The following LPA variants were observed in gnomAD, a reference collection of about 807,000 sequenced individuals.
LPA encodes the protein apolipoprotein(a).
LPA carries 199 observed loss-of-function variants against 197.9 expected under a neutral mutation model. The observed-to-expected ratio is 1.01, with a 90% confidence interval of 0.90 to 1.13. LPA has a LOEUF of 1.13. Ranked by LOEUF, LPA falls within the 50% of genes most tolerant of loss-of-function variation. LPA has a pLI of 0.00. For synonymous variants in LPA, 715 were observed against 639.5 expected (o/e 1.12, Z -1.78); for missense variants, 1,853 against 1,785.8 (o/e 1.04, Z -0.68).
intron 18 of LPA, among the ~76,000 whole-genome samples, chr6:160,604,334 A>G (rs1430999472): frequency 6.6e-6 from 1 of 152,118 alleles, no homozygotes; most frequent in African/African-American, 2.4e-5. Flanking sequence ...CCCTGTCACT[A>G]TTCTTTTGGT....
chr6:160,585,203 G>T lies in LPA; in HGVS notation c.4132C>A (p.Pro1378Thr). 9 of 1,613,690 alleles carry T rather than the reference G, an allele frequency of 5.6e-6. No individual in the cohort carries two copies. The highest frequency in any genetic ancestry group is 7.6e-6 in the Non-Finnish European group (9 of 1,179,712). The change falls in exon 26 of 39, where the codon CCA becomes ACA. Residue 1378 changes from proline to threonine, a missense_variant and splice_region_variant. By Grantham distance (38) the Pro-to-Thr change is conservative (BLOSUM62 -1). Around this residue, in one of 3 missense-constraint regions of LPA, gnomAD observed 1,737 missense variants for 1,504.4 expected, o/e 1.15. Transcript: ENST00000316300. ...TGGACCCCAGTGCTGTTTTCAGTTG[G>T]TGCTGAAATTAAAAGAGAAAATCAA... is the stretch of plus-strand genomic sequence containing the variant. Reference protein sequence around the residue: ...PSTELPSEEAPTENSTGVQDC... With the variant: ...PSTELPSEEATTENSTGVQDC...
At chr6:160,586,968 T>C (rs568083768) in intron 24 of LPA, among the ~76,000 whole-genome samples, 1 of 152,340 alleles carries the variant, frequency 6.6e-6, no homozygotes, top group Admixed American at 6.5e-5. Flanking sequence ...TTGAAGTGTG[T>C]CTTGGAGATT....
chr6:160,634,524 T>A lies in LPA; in HGVS notation c.1075+599A>T, dbSNP rs569471824. ...GCAGTAAAGGAGAAGTCTACTAACC[T>A]TTCTCTCTAGACCCCTCACAGGTAC... On this transcript the variant is annotated intron_variant, in intron 7 of 38. Transcript: ENST00000316300. Among the ~76,000 whole-genome samples, 16 of 140,576 alleles carry A rather than the reference T, an allele frequency of 1.1e-4. No individual in the cohort carries two copies. The East Asian group carries it at 3.0e-3, about 26-fold the overall frequency. The allele number at this position is 140,576 out of a possible 152,430, so 92.2% of individuals were successfully genotyped here.
At chr6:160,602,011 G>A (rs925920815) in intron 18 of LPA, among the ~76,000 whole-genome samples, 2 of 152,186 alleles carry the variant, frequency 1.3e-5, no homozygotes, top group Non-Finnish European at 2.9e-5. Context: ...TGCCTCCTAA[G>A]AACATTGCTC....
chr6:160,594,247 A>G (rs1381721903), intron 21 of LPA, 130 bp from the exon 22 acceptor site: 1 of 1,064,790 alleles, frequency 9.4e-7, no homozygotes, highest in African/African-American at 1.6e-5. Flanking sequence ...ACTAGCAGGC[A>G]GATGGACATA....
rs551776153 is a variant in LPA at position 160,582,002 on chromosome 6, T to C, written c.4289+3044A>G. ...TTCCCATATGGTATTATTTTTCTTC[T>C]ACTTACATAGCATTCTTTCACATCT... On this transcript the variant is annotated intron_variant, in intron 26 of 38. Coordinates refer to ENST00000316300, the MANE Select transcript of LPA (RefSeq NM_005577.4). 1.9e-3 allele frequency among the ~76,000 whole-genome samples: 283 copies of C among 152,298 alleles called. 3 individuals are homozygous for C. Among genetic ancestry groups the C allele is most frequent in the Non-Finnish European group, 2.9e-3 (194 of 67,996 alleles).
intron 2 of LPA, among the ~76,000 whole-genome samples, chr6:160,648,322 T>C (rs1779941099): frequency 1.3e-5 from 2 of 152,204 alleles, no homozygotes; most frequent in Non-Finnish European, 2.9e-5. Context: ...CCCAGTGGCA[T>C]CCTATAATTG....
chr6:160,557,950 C>T (rs1022523872), intron 28 of LPA, among the ~76,000 whole-genome samples: 3 of 149,718 alleles, frequency 2.0e-5, no homozygotes, highest in South Asian at 2.1e-4. Context: ...GACGGAGTCT[C>T]GCTCTGTCGC....
intron 30 of LPA, 35 bp from the exon 31 acceptor site, chr6:160,548,694 C>A: frequency 1.2e-6 from 2 of 1,610,714 alleles, no homozygotes; most frequent in Non-Finnish European, 1.7e-6. Context: ...TTACAGGAGG[C>A]GGAAGAATAT....
At position 160,556,034 on chromosome 6, in the gene LPA, T is replaced by C. The variant is rs1778257014; in HGVS notation, c.4964A>G (p.Tyr1655Cys). 4 of 1,606,384 alleles carry C rather than the reference T, an allele frequency of 2.5e-6. No homozygotes were observed. Among genetic ancestry groups the C allele is most frequent in the Non-Finnish European group, 3.4e-6 (4 of 1,173,292 alleles). ...PHRHQRTPEN[Y>C]PNDGLTMNYC... ...AACATCAAAGACATACTCATTTGGG[T>C]AGTTTTCTGGGGTCCTCTGATGCCG... The change falls in exon 30 of 39, where the codon TAC (tyrosine) becomes TGC (cysteine). Residue 1655 changes from tyrosine (Y) to cysteine (C), a missense_variant. Tyr to Cys is a radical substitution (Grantham distance 194). Transcript: ENST00000316300.
chr6:160,578,274 A>G (rs749397835), intron 27 of LPA, among the ~76,000 whole-genome samples: 1 of 152,074 alleles, frequency 6.6e-6, no homozygotes, highest in East Asian at 1.9e-4. Context: ...TAACCAGGGG[A>G]GTGGTAAGTC....
chr6:160,546,579 A>G (rs1356722057), intron 32 of LPA, among the ~76,000 whole-genome samples: 1 of 152,198 alleles, frequency 6.6e-6, no homozygotes, highest in African/African-American at 2.4e-5. Context: ...GCTGGGCAGA[A>G]GTACAGGTCA....
At chr6:160,532,735 G>A in intron 37 of LPA, 86 bp from the exon 38 acceptor site, 1 of 895,962 alleles carries the variant, frequency 1.1e-6, no homozygotes, top group Non-Finnish European at 1.9e-6. Context: ...AGTGGAGCTG[G>A]ACCTCCTGTC....
chr6:160,531,942 A>C, intron 38 of LPA, 52 bp from the exon 39 acceptor site: 1 of 1,588,184 alleles, frequency 6.3e-7, no homozygotes, highest in Non-Finnish European at 8.6e-7. Flanking sequence ...CCAACCTTTT[A>C]ATATGGGATG....
intron 26 of LPA, among the ~76,000 whole-genome samples, chr6:160,583,762 G>T (rs767670954): frequency 1.3e-5 from 2 of 150,706 alleles, no homozygotes; most frequent in Non-Finnish European, 2.9e-5. Context: ...GGTTTTATTA[G>T]TAAACAAAAC....
chr6:160,581,624 T>C lies in LPA; in HGVS notation c.4290-2920A>G, dbSNP rs1340695560. Among the ~76,000 whole-genome samples the C allele has an allele frequency of 4.6e-5, 7 of 152,320 alleles. No individual in the cohort carries two copies. The East Asian group carries it at 1.2e-3, about 25-fold the overall frequency. On this transcript the variant is annotated intron_variant, in intron 26 of 38. Coordinates refer to ENST00000316300, the MANE Select transcript of LPA (RefSeq NM_005577.4). Reference sequence around the variant, plus strand: ...CCACATGTCTTGATTACTGTGTCTTTATGAGAATTTCCATATTACCATATG... The same window carrying C: ...CCACATGTCTTGATTACTGTGTCTTCATGAGAATTTCCATATTACCATATG...
intron 18 of LPA, 36 bp downstream of exon 18, chr6:160,605,010 C>G (rs1254875171): frequency 1.9e-6 from 3 of 1,611,952 alleles, no homozygotes; most frequent in Non-Finnish European, 2.5e-6. Context: ...TTTCCACTGA[C>G]CCTTCCTTCA....
chr6:160,610,784 G>A (rs537964579), intron 16 of LPA, among the ~76,000 whole-genome samples: 3 of 152,068 alleles, frequency 2.0e-5, no homozygotes, highest in African/African-American at 4.8e-5. Context: ...GTGCAGGAAG[G>A]GTATCCAGGA....
intron 30 of LPA, among the ~76,000 whole-genome samples, chr6:160,555,584 AACACACCTGGTTATATATAT>A (rs1164927785): frequency 6.6e-6 from 1 of 150,576 alleles, no homozygotes. Context: ...AGTCTGAATA[AACACACCTGGTTATATATAT>A]ACTCATATAC....
Sources: allele counts gnomAD v4.1 joint callset (sites outside exome capture counted in the v4.1 genomes callset), GRCh38; gene constraint gnomAD v4.1.1; regional missense constraint gnomAD v4.1.1; transcripts MANE v1.5; gene names NCBI Gene and HGNC (gene_info 2026-07-23, HGNC 2026-07-21).